The following NKD2 variants were observed in gnomAD, a reference collection of about 807,000 sequenced individuals.
NKD2 encodes the protein protein naked cuticle homolog 2.
NKD2 carries 43 observed loss-of-function variants against 34.8 expected under a neutral mutation model. That is an observed-to-expected ratio of 1.24 (90% confidence interval 0.97 to 1.60). The LOEUF (loss-of-function observed/expected upper bound fraction) is 1.60, where lower values mean the gene tolerates loss of function less well. Among genes scored for constraint, NKD2 ranks in the 40% most tolerant of loss-of-function variants. The pLI is 0.00. For synonymous variants in NKD2, 278 were observed against 265.1 expected (o/e 1.05, Z -0.47); for missense variants, 675 against 627.1 (o/e 1.08, Z -0.82).
chr5:1,035,298 A>ATGAATGAG (rs1733836931), intron 7 of NKD2, 91 bp from the exon 8 acceptor site: 5 of 981,220 alleles, frequency 5.1e-6, no homozygotes, highest in African/African-American at 1.9e-5. Flanking sequence ...GAATGAATGA[A>ATGAATGAG]TGAGTGAGTG....
chr5:1,033,545 C>T (rs117169356), intron 5 of NKD2, 46 bp downstream of exon 5: 19,158 of 1,519,160 alleles, frequency 0.013, 188 homozygotes, highest in East Asian at 0.047. Context: ...TCCCTGGGGC[C>T]GGGGGCTCAG....
chr5:1,019,346 G>A (rs1371906078), intron 3 of NKD2, among the ~76,000 whole-genome samples: 2 of 152,322 alleles, frequency 1.3e-5, no homozygotes, highest in East Asian at 3.9e-4. Context: ...GGTCTTCTCT[G>A]AACAATTTTT....
chr5:1,018,464 A>T (rs552062228), intron 3 of NKD2, among the ~76,000 whole-genome samples: 1 of 152,348 alleles, frequency 6.6e-6, no homozygotes, highest in African/African-American at 2.4e-5. Context: ...GGCCTGGGGA[A>T]GGTGCTTGCG....
At chr5:1,033,604 T>C in intron 5 of NKD2, 105 bp downstream of exon 5, 3 of 1,329,856 alleles carry the variant, frequency 2.3e-6, no homozygotes, top group Non-Finnish European at 2.0e-6. Context: ...CACGGCGTAG[T>C]TCACTCAGTC....
chr5:1,019,974 C>A (rs1020652880), intron 3 of NKD2, among the ~76,000 whole-genome samples: 8 of 152,058 alleles, frequency 5.3e-5, no homozygotes, highest in Non-Finnish European at 1.0e-4. Flanking sequence ...TGCAGCAGTT[C>A]GGAAGTTCAG....
At chr5:1,021,744 T>TG (rs1460183077) in intron 3 of NKD2, among the ~76,000 whole-genome samples, 1 of 151,988 alleles carries the variant, frequency 6.6e-6, no homozygotes, top group Non-Finnish European at 1.5e-5. Context: ...GGCACCTCCT[T>TG]GTAAGAAAAC....
intron 3 of NKD2, among the ~76,000 whole-genome samples, chr5:1,031,142 C>T (rs1756630542): frequency 6.6e-6 from 1 of 152,138 alleles, no homozygotes; most frequent in African/African-American, 2.4e-5. Flanking sequence ...CTGCCTGGGC[C>T]AGACTCCAGG....
rs750023157 is a variant in NKD2, at chr5:1,033,397, G to A, written c.228G>A (p.Glu76=). ...LQVALPAEKA[E]GREHPGQLLS... is the part of the protein sequence containing the mutation. ...TGGCACTCCCCGCTGAGAAAGCTGA[G>A]GGCCGCGAGCACCCGGGACAACTCC... is the stretch of plus-strand genomic sequence containing the variant. The change falls in exon 5 of 10, where the codon GAG becomes GAA. Residue 76 remains glutamate, a synonymous_variant. Transcript: ENST00000296849. 2 of 1,599,460 alleles carry A rather than the reference G, an allele frequency of 1.3e-6. No homozygotes were observed. Among genetic ancestry groups the A allele is most frequent in the South Asian group, 1.1e-5 (1 of 88,468 alleles).
chr5:1,030,948 C>T (rs572278581), intron 3 of NKD2, among the ~76,000 whole-genome samples: 7 of 152,276 alleles, frequency 4.6e-5, no homozygotes, highest in East Asian at 1.9e-4. Context: ...GCCTCGGCAG[C>T]GCCACCTTAG....
Position 1,037,799 on chromosome 5 carries a change from C to T in NKD2, c.788-6C>T, listed in dbSNP as rs754552639. On this transcript the variant is annotated splice_polypyrimidine_tract_variant and splice_region_variant and intron_variant, in intron 9 of 9. Transcript: ENST00000296849. ...CAGGGCCTCACACTCTGACCTGTGT[C>T]CGCAGGGTCCCCTCCTGTGCAAGCA... 2 of 1,564,562 alleles carry T rather than the reference C, an allele frequency of 1.3e-6. No individual in the cohort carries two copies. Among genetic ancestry groups the T allele is most frequent in the South Asian group, 2.3e-5 (2 of 85,184 alleles).
In NKD2 at chr5:1,030,263, C is replaced by T. The variant is rs978837460; in HGVS notation, c.142-1889C>T. Among the ~76,000 whole-genome samples the T allele has an allele frequency of 5.3e-5, 8 of 152,108 alleles. 1 individual carries two copies. The highest frequency in any genetic ancestry group is 1.9e-4 in the African/African-American group (8 of 41,410). ...CCTCCACAGTGACAGTGCCTGCGTC[C>T]CTCAGCCTGGGCATTGGTGGCCTTG... On this transcript the variant is annotated intron_variant, in intron 3 of 9. Transcript: ENST00000296849.
chr5:1,011,251 C>T lies in NKD2; in HGVS notation c.141+1691C>T, dbSNP rs112643829. Among the ~76,000 whole-genome samples the T allele has an allele frequency of 7.2e-5, 11 of 152,278 alleles. No homozygotes were observed. The South Asian group carries it at 1.0e-3, about 14-fold the overall frequency. On this transcript the variant is annotated intron_variant, in intron 3 of 9. Coordinates refer to ENST00000296849, the MANE Select transcript of NKD2 (RefSeq NM_033120.4). ...AAAAGTGCTGCCTTTCTGTATTTTC[C>T]GCCTCTGGCCATGACTCCTCCCACC...
intron 8 of NKD2, 107 bp downstream of exon 8, chr5:1,035,580 G>A: frequency 1.2e-6 from 1 of 846,068 alleles, no homozygotes; most frequent in Non-Finnish European, 1.9e-6. Flanking sequence ...CATCCTCTAG[G>A]TCAGACCTGC....
chr5:1,033,566 G>A, intron 5 of NKD2, 67 bp downstream of exon 5: 2 of 1,493,126 alleles, frequency 1.3e-6, no homozygotes, highest in East Asian at 2.5e-5. Context: ...GGACAGGCAT[G>A]TGTTGCCCTA....
intron 3 of NKD2, among the ~76,000 whole-genome samples, chr5:1,030,028 A>AGGGG (rs1393132165): frequency 7.4e-6 from 1 of 134,882 alleles, no homozygotes; most frequent in African/African-American, 3.2e-5. Flanking sequence ...GGGGGGGGGT[A>AGGGG]CTGAGAACCC....
At position 1,033,446 on chromosome 5, in the gene NKD2, G is replaced by A. The variant is rs1756725376; in HGVS notation, c.277G>A (p.Ala93Thr). 2.5e-6 allele frequency: 4 copies of A among 1,569,498 alleles called. No homozygotes were observed. The highest frequency in any genetic ancestry group is 8.6e-7 in the Non-Finnish European group (1 of 1,158,138). Reference sequence around the variant, plus strand: ...CCTCAGCGCAGATGACGGAGAGAGGGCAGCAAACCGCGAGGGCCCGCGAGG... The same window carrying A: ...CCTCAGCGCAGATGACGGAGAGAGGACAGCAAACCGCGAGGGCCCGCGAGG... ...QLLSADDGER[A>T]ANREGPRGPG... The change falls in exon 5 of 10, where the codon GCA (alanine) becomes ACA (threonine). Residue 93 changes from alanine (A) to threonine (T), a missense_variant. By Grantham distance (58) the Ala-to-Thr change is moderately conservative. Coordinates refer to ENST00000296849, the MANE Select transcript of NKD2 (RefSeq NM_033120.4).
intron 3 of NKD2, among the ~76,000 whole-genome samples, chr5:1,012,686 G>A (rs546151037): frequency 2.6e-5 from 4 of 152,358 alleles, no homozygotes; most frequent in Admixed American, 6.5e-5. Context: ...ATGGCTTGAC[G>A]CCTTCCGACT....
intron 5 of NKD2, 81 bp downstream of exon 5, chr5:1,033,580 T>C: frequency 7.0e-7 from 1 of 1,422,686 alleles, no homozygotes; most frequent in East Asian, 2.5e-5. Flanking sequence ...TGCCCTAAAC[T>C]GGGCATCTGT....
At position 1,009,340 on chromosome 5, in the gene NKD2, A is replaced by C; in HGVS notation, c.61+126A>C. On this transcript the variant is annotated intron_variant, in intron 2 of 9. Coordinates refer to ENST00000296849, the MANE Select transcript of NKD2 (RefSeq NM_033120.4). This position sits in a 1 kb window ranked among gnomAD's most constrained non-coding sequence, Gnocchi z 6.9. ...GGGGACGGGGCCGCGGGTCTCCAGG[A>C]GCGCGCGGGACCCCCACGCCTGCCC... 1 of 591,596 alleles carries C rather than the reference A, an allele frequency of 1.7e-6. No individual in the cohort carries two copies. Among genetic ancestry groups the C allele is most frequent in the East Asian group, 3.6e-5 (1 of 28,108 alleles). 36.6% of individuals were successfully genotyped at this position (591,596 alleles called of 1,614,324 possible).
Sources: gnomAD v4.1 joint callset for allele counts (sites outside exome capture counted in the v4.1 genomes callset) on GRCh38, gnomAD v4.1.1 for gene constraint, Gnocchi (gnomAD v3.1) non-coding constraint, MANE v1.5 for transcripts, NCBI Gene and HGNC (gene_info 2026-07-23, HGNC 2026-07-21) for gene names.